MAST2: variants seen among roughly 807,000 people sequenced by gnomAD.
MAST2 encodes microtubule associated serine/threonine kinase 2, also known as microtubule-associated serine/threonine-protein kinase 2.
Under a neutral mutation model 147.4 loss-of-function variants are expected in MAST2, and 70 were observed. The ratio of observed to expected loss-of-function variants is 0.47; its 90% confidence interval spans 0.39 to 0.58. The LOEUF is 0.58. Ranked by LOEUF, MAST2 falls within the 20% of genes least tolerant of loss-of-function variation. The pLI is 0.00. For missense variants in MAST2, 2,080 were observed against 2,302.3 expected (o/e 0.90, Z 1.98); for synonymous variants, 869 against 896.8 (o/e 0.97, Z 0.55).
At chr1:46,005,986 C>T (rs1462493539) in intron 7 of MAST2, among the ~76,000 whole-genome samples, 1 of 152,146 alleles carries the variant, frequency 6.6e-6, no homozygotes, top group East Asian at 1.9e-4. Flanking sequence ...CTCTAAAATT[C>T]CATGAAGGTC....
At chr1:45,981,282 G>C (rs914984518) in intron 5 of MAST2, among the ~76,000 whole-genome samples, 7 of 152,074 alleles carry the variant, frequency 4.6e-5, no homozygotes, top group Non-Finnish European at 8.8e-5. Context: ...ATGTTGGCCC[G>C]TCTGGTCTCA....
chr1:45,950,163 CCT>C (rs1443118848), intron 4 of MAST2, among the ~76,000 whole-genome samples: 1 of 152,022 alleles, frequency 6.6e-6, no homozygotes, highest in African/African-American at 2.4e-5. Context: ...ACAACAAACC[CCT>C]GTGTCAGGAG....
intron 5 of MAST2, among the ~76,000 whole-genome samples, chr1:45,961,503 A>T (rs567618929): frequency 4.7e-4 from 72 of 152,336 alleles, no homozygotes; most frequent in African/African-American, 1.6e-3. Flanking sequence ...AGTGGATTTG[A>T]TTGAGAACAC....
intron 10 of MAST2, among the ~76,000 whole-genome samples, chr1:46,014,517 G>A (rs1476838597): frequency 6.6e-6 from 1 of 151,586 alleles, no homozygotes; most frequent in Non-Finnish European, 1.5e-5. Flanking sequence ...ATCATTTTTT[G>A]TGGCTGCATA....
At chr1:45,880,692 G>A (rs989306564) in intron 3 of MAST2, among the ~76,000 whole-genome samples, 1 of 152,064 alleles carries the variant, frequency 6.6e-6, no homozygotes, top group Non-Finnish European at 1.5e-5. Flanking sequence ...ATTGTGAAAA[G>A]TAAACCGGCT....
At chr1:45,950,110 TA>T (rs1658716319) in intron 4 of MAST2, among the ~76,000 whole-genome samples, 1 of 152,144 alleles carries the variant, frequency 6.6e-6, no homozygotes, top group East Asian at 1.9e-4. Context: ...GAAAAGTAAC[TA>T]TTGGGTGCTA....
Position 45,906,237 on chromosome 1 carries a change from C to G in MAST2, c.500+23842C>G, listed in dbSNP as rs138479192. Reference sequence around the variant, plus strand: ...TACCATGCAATGTTTTGGTCAACAACAGACTGCATAGACACTGGTGATCCC... The same window carrying G: ...TACCATGCAATGTTTTGGTCAACAAGAGACTGCATAGACACTGGTGATCCC... On this transcript the variant is annotated intron_variant, in intron 4 of 28. Coordinates refer to ENST00000361297, the MANE Select transcript of MAST2 (RefSeq NM_015112.3). 4.7e-3 allele frequency among the ~76,000 whole-genome samples: 721 copies of G among 152,236 alleles called. 5 individuals are homozygous for G. The highest frequency in any genetic ancestry group is 7.6e-3 in the Non-Finnish European group (517 of 68,018).
At chr1:45,872,282 G>C (rs545267738) in intron 3 of MAST2, among the ~76,000 whole-genome samples, 10 of 152,254 alleles carry the variant, frequency 6.6e-5, no homozygotes, top group Admixed American at 2.0e-4. Context: ...TCTCCACGCT[G>C]GTGACTGTTG....
intron 4 of MAST2, among the ~76,000 whole-genome samples, chr1:45,920,872 A>T (rs1455799970): frequency 6.6e-6 from 1 of 152,172 alleles, no homozygotes; most frequent in Admixed American, 6.5e-5. Flanking sequence ...GAGGTGGATA[A>T]TCTGAGTAAA....
intron 5 of MAST2, among the ~76,000 whole-genome samples, 176 bp downstream of exon 5, chr1:45,959,653 T>G (rs1386381416): frequency 6.6e-6 from 1 of 152,260 alleles, no homozygotes; most frequent in African/African-American, 2.4e-5. Context: ...AGCCTGCTTT[T>G]GACTCTTAGT....
At chr1:45,816,624 A>T (rs11211196) in intron 1 of MAST2, among the ~76,000 whole-genome samples, 67,227 of 151,580 alleles carry the variant, frequency 0.44, 15,047 homozygotes, top group East Asian at 0.62. Flanking sequence ...TTGATATACT[A>T]AGGAATGCAT....
In MAST2 at chr1:46,034,913, T is replaced by C. The variant is rs765285139; in HGVS notation, c.4244T>C (p.Leu1415Pro). Residue 1415 changes from leucine (L) to proline (P), a missense_variant, in exon 29 of 29, where the codon CTT (leucine) becomes CCT (proline). Physicochemically the swap from Leu to Pro is moderately conservative, Grantham distance 98. Coordinates refer to ENST00000361297, the MANE Select transcript of MAST2 (RefSeq NM_015112.3). ...TCGGCTGAGAAACTGGCAGCAGCAC[T>C]TGCCGCCTCTGAGAAGAAGCTAGCC... is the stretch of plus-strand genomic sequence containing the variant. ...VQSAEKLAAA[L>P]AASEKKLATS... The C allele has an allele frequency of 6.2e-7, 1 of 1,614,158 alleles. No homozygotes were observed. The highest frequency in any genetic ancestry group is 8.5e-7 in the Non-Finnish European group (1 of 1,180,032).
intron 1 of MAST2, among the ~76,000 whole-genome samples, chr1:45,811,297 C>T (rs1001241253): frequency 2.7e-5 from 4 of 150,152 alleles, no homozygotes; most frequent in African/African-American, 9.8e-5. Flanking sequence ...CTCTCGAGTA[C>T]CTGGGATGCC....
rs760386197 is a variant in MAST2 at position 46,036,083 on chromosome 1, C to G, written c.*17C>G. 6.3e-7 allele frequency: 1 copy of G among 1,585,848 alleles called. No homozygotes were observed. Among genetic ancestry groups the G allele is most frequent in the African/African-American group, 1.3e-5 (1 of 74,398 alleles). On this transcript the variant is annotated 3_prime_UTR_variant, in exon 29 of 29. Coordinates refer to ENST00000361297, the MANE Select transcript of MAST2 (RefSeq NM_015112.3). The stretch of plus-strand genomic sequence containing the variant: ...CAAACATAGCAGTTGTTTGCCATTT[C>G]TTGCACTCAGACCTGTGTAATATAT...
At chr1:45,822,704 T>C (rs1297346714) in intron 1 of MAST2, among the ~76,000 whole-genome samples, 2 of 152,192 alleles carry the variant, frequency 1.3e-5, no homozygotes, top group East Asian at 3.8e-4. Flanking sequence ...TTCCAAGGCC[T>C]CCTCAGTTCT....
At chr1:45,997,909 CCT>C in intron 6 of MAST2, 110 bp downstream of exon 6, 1 of 868,874 alleles carries the variant, frequency 1.2e-6, no homozygotes, top group East Asian at 2.4e-5. Flanking sequence ...AAGTGTATTA[CCT>C]GAAGCTCCCA....
chr1:45,962,712 T>G (rs1477057054), intron 5 of MAST2, among the ~76,000 whole-genome samples: 1 of 152,238 alleles, frequency 6.6e-6, no homozygotes, highest in Non-Finnish European at 1.5e-5. Context: ...TTTCTCCCAT[T>G]CTATAGGTTG....
At chr1:45,911,652 C>T (rs937827273) in intron 4 of MAST2, among the ~76,000 whole-genome samples, 2 of 151,674 alleles carry the variant, frequency 1.3e-5, no homozygotes, top group Non-Finnish European at 2.9e-5. Context: ...TTTCTACTTA[C>T]CATTGGCATG....
At chr1:45,884,552 AAAATAAAT>A (rs776012286) in intron 4 of MAST2, among the ~76,000 whole-genome samples, 1 of 152,112 alleles carries the variant, frequency 6.6e-6, no homozygotes, top group Non-Finnish European at 1.5e-5. Flanking sequence ...GCGCCGTCAA[AAAATAAAT>A]AAATAAATAA....
Sources: gnomAD v4.1 joint callset for allele counts (sites outside exome capture counted in the v4.1 genomes callset) on GRCh38, gnomAD v4.1.1 for gene constraint, MANE v1.5 for transcripts, NCBI Gene and HGNC (gene_info 2026-07-23, HGNC 2026-07-21) for gene names.